The following ANKS1B variants were observed in gnomAD, a reference collection of about 807,000 sequenced individuals.
ANKS1B encodes the protein ankyrin repeat and sterile alpha motif domain-containing protein 1B.
In ANKS1B, 36 loss-of-function variants were observed where a neutral mutation model predicts 148.3. The observed-to-expected ratio is 0.24, with a 90% confidence interval of 0.19 to 0.32. The LOEUF (loss-of-function observed/expected upper bound fraction) is 0.32, where lower values mean the gene tolerates loss of function less well. ANKS1B is among the 10% of genes least tolerant of loss of function. ANKS1B has a pLI of 1.00. For synonymous variants in ANKS1B, 542 were observed against 560.8 expected (o/e 0.97, Z 0.47); for missense variants, 1,157 against 1,542.6 (o/e 0.75, Z 4.19).
At chr12:98,854,136 T>C (rs558352062) in intron 17 of ANKS1B, among the ~76,000 whole-genome samples, 24 of 152,284 alleles carry the variant, frequency 1.6e-4, no homozygotes, top group African/African-American at 5.3e-4. Flanking sequence ...GGTTCCTTGG[T>C]CTCCTAGTTA....
At chr12:99,145,336 T>C (rs2072657013) in intron 15 of ANKS1B, among the ~76,000 whole-genome samples, 1 of 152,030 alleles carries the variant, frequency 6.6e-6, no homozygotes, top group African/African-American at 2.4e-5. Flanking sequence ...TGTGGCACTG[T>C]TGTAGAACTG....
chr12:99,952,286 C>T (rs922790333), intron 1 of ANKS1B, among the ~76,000 whole-genome samples: 1 of 152,036 alleles, frequency 6.6e-6, no homozygotes, highest in Non-Finnish European at 1.5e-5. Flanking sequence ...CTTTTCTTTC[C>T]TATGTTCCAT....
chr12:99,772,723 A>G (rs2063313140), intron 8 of ANKS1B, 199 bp downstream of exon 8: 1 of 417,750 alleles, frequency 2.4e-6, no homozygotes, highest in Non-Finnish European at 4.2e-6. Context: ...GAGACCATGA[A>G]GTGATCTGTC....
chr12:99,829,505 G>A (rs1214832180), intron 1 of ANKS1B, among the ~76,000 whole-genome samples: 1 of 152,124 alleles, frequency 6.6e-6, no homozygotes, highest in Non-Finnish European at 1.5e-5. Flanking sequence ...AAAAAAATTA[G>A]CCAGGCATGG....
chr12:99,685,570 C>G (rs2153491511), intron 8 of ANKS1B, among the ~76,000 whole-genome samples: 1 of 152,218 alleles, frequency 6.6e-6, no homozygotes, highest in East Asian at 1.9e-4. Context: ...CCAGCAATCC[C>G]ACTTCTGGGT....
At chr12:99,179,428 CAAAAAAAAAAAA>C (rs59979808) in intron 14 of ANKS1B, among the ~76,000 whole-genome samples, 1 of 72,952 alleles carries the variant, frequency 1.4e-5, no homozygotes, top group East Asian at 3.9e-4. Flanking sequence ...GACTCTGTCT[CAAAAAAAAAAAA>C]AAAAAAAAAA....
At chr12:99,134,645 TCACACACACA>T (rs4016023) in intron 15 of ANKS1B, among the ~76,000 whole-genome samples, 22,795 of 104,562 alleles carry the variant, frequency 0.22, 2,779 homozygotes, top group East Asian at 0.39. Flanking sequence ...TCTCTCTCTC[TCACACACACA>T]CACACACACA....
At chr12:99,823,886 A>G (rs556631335) in intron 2 of ANKS1B, among the ~76,000 whole-genome samples, 1 of 152,290 alleles carries the variant, frequency 6.6e-6, no homozygotes, top group South Asian at 2.1e-4. Context: ...TTTGTTGAAT[A>G]CCAGATGGCT....
At chr12:99,194,924 C>T (rs2153888768) in intron 14 of ANKS1B, among the ~76,000 whole-genome samples, 1 of 152,076 alleles carries the variant, frequency 6.6e-6, no homozygotes, top group Non-Finnish European at 1.5e-5. Flanking sequence ...CATGGATGTT[C>T]ATAACACCAT....
At chr12:99,198,691 C>A (rs1243000250) in intron 14 of ANKS1B, among the ~76,000 whole-genome samples, 1 of 152,126 alleles carries the variant, frequency 6.6e-6, no homozygotes, top group Non-Finnish European at 1.5e-5. Flanking sequence ...GTGGTCTCTT[C>A]TCTAATGGCA....
chr12:99,060,260 G>GT (rs1193396489), intron 16 of ANKS1B, among the ~76,000 whole-genome samples: 10 of 152,056 alleles, frequency 6.6e-5, no homozygotes, highest in Admixed American at 5.9e-4. Flanking sequence ...TCCTCCAGGA[G>GT]TTTTTTAGAG....
intron 8 of ANKS1B, among the ~76,000 whole-genome samples, chr12:99,750,058 A>T (rs1424067385): frequency 1.3e-5 from 2 of 152,088 alleles, no homozygotes; most frequent in Admixed American, 1.3e-4. Flanking sequence ...TCTATCTCAC[A>T]GTTGAATTTT....
intron 12 of ANKS1B, among the ~76,000 whole-genome samples, chr12:99,380,878 G>A (rs1037830983): frequency 4.6e-5 from 7 of 151,634 alleles, no homozygotes; most frequent in Non-Finnish European, 1.0e-4. Flanking sequence ...AGAGATTCCA[G>A]TAGAAATCAT....
At chr12:99,605,803 C>A (rs193118434) in intron 9 of ANKS1B, among the ~76,000 whole-genome samples, 2 of 152,120 alleles carry the variant, frequency 1.3e-5, no homozygotes, top group South Asian at 2.1e-4. Flanking sequence ...CACAAGTGTG[C>A]AGTTATTTTT....
At chr12:99,472,561 T>C (rs2096258191) in intron 10 of ANKS1B, among the ~76,000 whole-genome samples, 1 of 152,146 alleles carries the variant, frequency 6.6e-6, no homozygotes, top group African/African-American at 2.4e-5. Context: ...TATAATTCTG[T>C]TTTCATTTTA....
chr12:99,968,463 C>G (rs138155218), intron 1 of ANKS1B, among the ~76,000 whole-genome samples: 10,069 of 152,240 alleles, frequency 0.066, 399 homozygotes, highest in Non-Finnish European at 0.081. Flanking sequence ...GAGGCTGAGG[C>G]AGGAGAATGG....
At chr12:99,962,178 C>T (rs533751881) in intron 1 of ANKS1B, among the ~76,000 whole-genome samples, 11 of 152,134 alleles carry the variant, frequency 7.2e-5, no homozygotes, top group Middle Eastern at 3.4e-3. Flanking sequence ...CCTATTGACC[C>T]GTCCTCTAAG....
chr12:99,143,217 A>G (rs1045073695), intron 15 of ANKS1B, among the ~76,000 whole-genome samples: 1 of 152,128 alleles, frequency 6.6e-6, no homozygotes, highest in Non-Finnish European at 1.5e-5. Context: ...AAAGTATAAC[A>G]ATGTGAAATC....
intron 12 of ANKS1B, among the ~76,000 whole-genome samples, chr12:99,298,035 A>G (rs138796241): frequency 2.0e-3 from 303 of 152,232 alleles, no homozygotes; most frequent in African/African-American, 7.0e-3. Context: ...AATTTGAATG[A>G]AGACCACTGG....
Sources: gnomAD v4.1 joint callset for allele counts (sites outside exome capture counted in the v4.1 genomes callset) on GRCh38, gnomAD v4.1.1 for gene constraint, MANE v1.5 for transcripts, NCBI Gene and HGNC (gene_info 2026-07-23, HGNC 2026-07-21) for gene names.